Variants in DPYD observed in about 807,000 individuals in gnomAD.
DPYD encodes dihydropyrimidine dehydrogenase.
DPYD carries 109 observed loss-of-function variants against 116.2 expected under a neutral mutation model. The observed-to-expected ratio is 0.94, with a 90% CI of 0.80 to 1.10. The LOEUF (loss-of-function observed/expected upper bound fraction) is 1.10, where lower values mean the gene tolerates loss of function less well. Among genes scored for constraint, DPYD ranks in the 50% least tolerant of loss-of-function variants. The pLI is 0.00. For missense variants in DPYD, 1,302 were observed against 1,254.5 expected, an observed-to-expected ratio of 1.04 and a Z score of -0.57; for synonymous variants, 440 against 432.0, an observed-to-expected ratio of 1.02 and a Z score of -0.23.
In DPYD at chr1:97,242,122, GTGTATATATATATATATATATATATATA is replaced by G. The variant is rs1308861485; in HGVS notation, c.2300-7156_2300-7129del. Among the ~76,000 whole-genome samples the G allele has an allele frequency of 8.1e-4, 58 of 71,590 alleles. 2 individuals are homozygous for G. The highest frequency in any genetic ancestry group is 4.5e-3 in the South Asian group (9 of 2,018). 47.0% of individuals were successfully genotyped at this position (71,590 alleles called of 152,430 possible). Reference sequence around the variant, plus strand: ...TGTAATTTGCAACGTGTGTGTGCGTGTGTATATATATATATATATATATATATATATATATATATATATATATATCTTC... The same window carrying G: ...TGTAATTTGCAACGTGTGTGTGCGTGTATATATATATATATATATATCTTC... On this transcript the variant is annotated intron_variant, in intron 18 of 22. Transcript: ENST00000370192.
At chr1:97,298,305 C>G (rs1480433236) in intron 18 of DPYD, among the ~76,000 whole-genome samples, 1 of 152,002 alleles carries the variant, frequency 6.6e-6, no homozygotes, top group African/African-American at 2.4e-5. Context: ...CCTTATGTAT[C>G]AGAAACTCTG....
intron 14 of DPYD, among the ~76,000 whole-genome samples, chr1:97,419,838 G>T (rs908995566): frequency 6.6e-6 from 1 of 152,114 alleles, no homozygotes; most frequent in Non-Finnish European, 1.5e-5. Flanking sequence ...AAATTTTATT[G>T]CTATGTTCAA....
intron 11 of DPYD, among the ~76,000 whole-genome samples, chr1:97,562,038 G>A (rs561698817): frequency 6.6e-6 from 1 of 152,128 alleles, no homozygotes; most frequent in African/African-American, 2.4e-5. Flanking sequence ...TGCAGATGGG[G>A]ACAATGTATT....
chr1:97,302,152 C>A (rs540675759), intron 18 of DPYD, among the ~76,000 whole-genome samples: 2 of 151,836 alleles, frequency 1.3e-5, no homozygotes, highest in Admixed American at 6.6e-5. Flanking sequence ...TGCATGGATT[C>A]TAGAAAAAGG....
chr1:97,370,191 T>C (rs113154640), intron 16 of DPYD, among the ~76,000 whole-genome samples: 11,127 of 152,172 alleles, frequency 0.073, 496 homozygotes, highest in African/African-American at 0.12. Context: ...CCTTGAGGAA[T>C]CACCACACTG....
At chr1:97,497,730 G>A (rs1311900440) in intron 13 of DPYD, among the ~76,000 whole-genome samples, 2 of 151,760 alleles carry the variant, frequency 1.3e-5, no homozygotes, top group South Asian at 2.1e-4. Flanking sequence ...CATTGCTGGT[G>A]AGAATGTAAA....
chr1:97,460,162 G>C (rs1334384352), intron 13 of DPYD, among the ~76,000 whole-genome samples: 1 of 152,116 alleles, frequency 6.6e-6, no homozygotes, highest in South Asian at 2.1e-4. Flanking sequence ...AAAAAAGCAG[G>C]TGCAAATCTG....
chr1:97,466,972 A>C (rs1390814099), intron 13 of DPYD, among the ~76,000 whole-genome samples: 2 of 152,172 alleles, frequency 1.3e-5, no homozygotes, highest in African/African-American at 2.4e-5. Flanking sequence ...CAAGCATGGA[A>C]ATAAAGGAAA....
chr1:97,816,276 CAAAAAAAGAGA>C (rs1322077165), intron 3 of DPYD, among the ~76,000 whole-genome samples: 6 of 146,100 alleles, frequency 4.1e-5, no homozygotes, highest in Non-Finnish European at 7.5e-5. Flanking sequence ...TCCTTTCACT[CAAAAAAAGAGA>C]AAAAAAAAAG....
At chr1:97,165,787 GAC>G (rs1656278858) in intron 20 of DPYD, among the ~76,000 whole-genome samples, 1 of 152,050 alleles carries the variant, frequency 6.6e-6, no homozygotes, top group South Asian at 2.1e-4. Context: ...CACAAAAGAA[GAC>G]ACACATGTGG....
chr1:97,468,015 T>C (rs144098254), intron 13 of DPYD, among the ~76,000 whole-genome samples: 3 of 152,156 alleles, frequency 2.0e-5, no homozygotes, highest in Admixed American at 2.0e-4. Context: ...AAGAGTCAGA[T>C]GATAAATATT....
At chr1:97,900,063 C>T (rs559166232) in intron 1 of DPYD, among the ~76,000 whole-genome samples, 1 of 152,014 alleles carries the variant, frequency 6.6e-6, no homozygotes, top group South Asian at 2.1e-4. Flanking sequence ...AGCCATTCAG[C>T]TAAGTACCAG....
chr1:97,379,935 T>C (rs1456917337), intron 15 of DPYD, among the ~76,000 whole-genome samples: 2 of 152,212 alleles, frequency 1.3e-5, no homozygotes, highest in East Asian at 3.9e-4. Flanking sequence ...TCCATTTCCT[T>C]GTGAAGTTGT....
chr1:97,882,039 T>G (rs1286147898), intron 2 of DPYD, among the ~76,000 whole-genome samples: 2 of 151,552 alleles, frequency 1.3e-5, no homozygotes. Context: ...AAAACTATAA[T>G]AAAAAAATTA....
At chr1:97,598,781 AC>A (rs1164452326) in intron 8 of DPYD, among the ~76,000 whole-genome samples, 1 of 152,194 alleles carries the variant, frequency 6.6e-6, no homozygotes, top group Non-Finnish European at 1.5e-5. Flanking sequence ...GTATGAGGCA[AC>A]TGATGTTATT....
At chr1:97,825,678 G>T (rs966934691) in intron 3 of DPYD, among the ~76,000 whole-genome samples, 1 of 150,726 alleles carries the variant, frequency 6.6e-6, no homozygotes, top group Non-Finnish European at 1.5e-5. Context: ...TGTGAATGAC[G>T]AGTTAATGGG....
chr1:97,292,724 AC>A (rs1666290594), intron 18 of DPYD, among the ~76,000 whole-genome samples: 3 of 51,942 alleles, frequency 5.8e-5, no homozygotes. Flanking sequence ...ACGCGCGAGC[AC>A]ACACACACAC....
chr1:97,419,429 A>T (rs534743071), intron 14 of DPYD, among the ~76,000 whole-genome samples: 1 of 152,236 alleles, frequency 6.6e-6, no homozygotes, highest in South Asian at 2.1e-4. Context: ...GTACGTAATC[A>T]CTATTATAAT....
intron 2 of DPYD, among the ~76,000 whole-genome samples, chr1:97,849,524 G>GA (rs1364549392): frequency 6.6e-6 from 1 of 150,738 alleles, no homozygotes; most frequent in African/African-American, 2.4e-5. Flanking sequence ...CGCCAGCTGA[G>GA]AAAACGGAAG....
Sources: allele counts gnomAD v4.1 joint callset (sites outside exome capture counted in the v4.1 genomes callset), GRCh38; gene constraint gnomAD v4.1.1; transcripts MANE v1.5; gene names NCBI Gene and HGNC (gene_info 2026-07-23, HGNC 2026-07-21).